AMPH: variants seen among roughly 807,000 people sequenced by gnomAD.
The protein encoded by AMPH is amphiphysin (Stiff-Mann syndrome with breast cancer 128kD autoantigen).
A neutral mutation model predicts 99.1 loss-of-function variants in AMPH; 49 were observed. That is an observed-to-expected ratio of 0.49 (90% CI 0.39 to 0.63). The LOEUF is 0.63. AMPH is among the 20% of genes least tolerant of loss of function. The pLI is 0.00. For missense variants in AMPH, 759 were observed against 863.4 expected (o/e 0.88, Z 1.52); for synonymous variants, 314 against 317.3 (o/e 0.99, Z 0.11).
At chr7:38,587,640 A>C (rs180908942) in intron 1 of AMPH, among the ~76,000 whole-genome samples, 2 of 152,288 alleles carry the variant, frequency 1.3e-5, no homozygotes, top group Admixed American at 1.3e-4. Flanking sequence ...TTAATTAGCA[A>C]ATGTCTTACA....
At chr7:38,565,213 T>C (rs531370522) in intron 1 of AMPH, among the ~76,000 whole-genome samples, 5 of 152,182 alleles carry the variant, frequency 3.3e-5, no homozygotes, top group Admixed American at 6.5e-5. Flanking sequence ...ATATGATTTA[T>C]TATAATTTTA....
chr7:38,468,708 C>T (rs1042209142), intron 7 of AMPH, among the ~76,000 whole-genome samples: 1 of 152,128 alleles, frequency 6.6e-6, no homozygotes, highest in Non-Finnish European at 1.5e-5. Flanking sequence ...CTATTACAGC[C>T]CTAGCACCTA....
chr7:38,491,152 G>T lies in AMPH; in HGVS notation c.301-7C>A, dbSNP rs560037834. On this transcript the variant is annotated splice_polypyrimidine_tract_variant and splice_region_variant and intron_variant, in intron 4 of 20. Transcript: ENST00000356264. ...CCCACAGCACATCACATTTCTAAAA[G>T]AAATAAAGAGACCACTGCTGAATTA... is the stretch of plus-strand genomic sequence containing the variant. 5 of 1,585,954 alleles carry T rather than the reference G, an allele frequency of 3.2e-6. No individual in the cohort carries two copies. In the South Asian group the frequency reaches 5.6e-5, roughly 18 times the overall value.
chr7:38,447,776 AC>A (rs1786848442), intron 11 of AMPH, among the ~76,000 whole-genome samples: 6 of 149,626 alleles, frequency 4.0e-5, no homozygotes, highest in African/African-American at 1.5e-4. Flanking sequence ...ACACACACAC[AC>A]ACCCATACAC....
At chr7:38,498,578 A>G (rs1789015059) in intron 3 of AMPH, among the ~76,000 whole-genome samples, 1 of 152,166 alleles carries the variant, frequency 6.6e-6, no homozygotes, top group Admixed American at 6.5e-5. Context: ...AGACATGTCA[A>G]TGCTTATCTC....
intron 5 of AMPH, among the ~76,000 whole-genome samples, chr7:38,479,043 C>T (rs1357137306): frequency 6.6e-6 from 1 of 151,808 alleles, no homozygotes; most frequent in Admixed American, 6.6e-5. Context: ...GAATAATAAG[C>T]AATATTTCAA....
intron 1 of AMPH, among the ~76,000 whole-genome samples, chr7:38,623,655 A>AG (rs1794144179): frequency 6.6e-6 from 1 of 152,202 alleles, no homozygotes; most frequent in Non-Finnish European, 1.5e-5. Context: ...ACGTGGCCAT[A>AG]TAAACTACTC....
At chr7:38,436,974 G>C (rs4720280) in intron 11 of AMPH, among the ~76,000 whole-genome samples, 78,087 of 152,020 alleles carry the variant, frequency 0.51, 20,324 homozygotes, top group Admixed American at 0.57. Flanking sequence ...ATGTGTATGA[G>C]TGAGGGTGAA....
chr7:38,541,742 A>T (rs1219743868), intron 1 of AMPH, among the ~76,000 whole-genome samples: 3 of 152,240 alleles, frequency 2.0e-5, no homozygotes, highest in African/African-American at 7.2e-5. Flanking sequence ...AATGACATAC[A>T]GTAATTACAT....
chr7:38,501,010 G>C (rs1789116857), intron 3 of AMPH, among the ~76,000 whole-genome samples: 1 of 152,152 alleles, frequency 6.6e-6, no homozygotes, highest in East Asian at 1.9e-4. Context: ...CCATTGTATA[G>C]ATGAACTCTG....
In AMPH at chr7:38,384,650, T is replaced by G. The variant is rs1784301820; in HGVS notation, c.*168A>C. On this transcript the variant is annotated 3_prime_UTR_variant, in exon 21 of 21. Transcript: ENST00000356264. The stretch of plus-strand genomic sequence containing the variant: ...GGATTTTTTCCTTAATTTACTTTTT[T>G]TCCTCTTACATTTTTTTGCACACAT... The G allele has an allele frequency of 1.8e-6, 1 of 550,304 alleles. No homozygotes were observed. 34.1% of individuals were successfully genotyped at this position (550,304 alleles called of 1,614,324 possible). A position where few individuals can be genotyped will look rare whatever the true frequency, so the allele number is the denominator to read the frequency against.
chr7:38,630,000 G>A (rs1229695446), intron 1 of AMPH, among the ~76,000 whole-genome samples: 1 of 152,174 alleles, frequency 6.6e-6, no homozygotes, highest in Non-Finnish European at 1.5e-5. Context: ...CTGGGCCTGG[G>A]GACAAAAGGG....
intron 2 of AMPH, among the ~76,000 whole-genome samples, chr7:38,534,060 C>A (rs963771872): frequency 6.6e-6 from 1 of 152,134 alleles, no homozygotes; most frequent in African/African-American, 2.4e-5. Context: ...GTCATCTCCC[C>A]AAGGAGTCTT....
chr7:38,483,580 G>T (rs910933982), intron 5 of AMPH, among the ~76,000 whole-genome samples: 1 of 152,100 alleles, frequency 6.6e-6, no homozygotes, highest in African/African-American at 2.4e-5. Flanking sequence ...AGATGCCTAG[G>T]GGGTGCTAAG....
At chr7:38,476,828 G>T (rs371625341) in intron 6 of AMPH, 34 bp downstream of exon 6, 3 of 1,495,162 alleles carry the variant, frequency 2.0e-6, no homozygotes, top group South Asian at 1.1e-5. Context: ...CATAAAATAC[G>T]GAGAGTGGTA....
chr7:38,402,223 T>G (rs1006496846), intron 17 of AMPH, among the ~76,000 whole-genome samples: 4 of 152,294 alleles, frequency 2.6e-5, no homozygotes, highest in Admixed American at 6.5e-5. Context: ...CTTCATCTTT[T>G]GTTTCACCTA....
intron 1 of AMPH, among the ~76,000 whole-genome samples, chr7:38,599,555 G>A (rs148213605): frequency 2.9e-3 from 441 of 152,290 alleles, no homozygotes; most frequent in Middle Eastern, 0.01. Flanking sequence ...GTTAACAGTA[G>A]GCTATTAGTA....
intron 2 of AMPH, among the ~76,000 whole-genome samples, chr7:38,526,096 G>T (rs915290757): frequency 1.3e-5 from 2 of 152,112 alleles, no homozygotes; most frequent in Non-Finnish European, 2.9e-5. Flanking sequence ...ATCCTTGCCA[G>T]CATTTAGCAT....
intron 1 of AMPH, among the ~76,000 whole-genome samples, chr7:38,607,550 G>A (rs1175302241): frequency 6.6e-6 from 1 of 152,182 alleles, no homozygotes; most frequent in Non-Finnish European, 1.5e-5. Context: ...GGGACCTCAG[G>A]ACCCCCGGTG....
Sources: allele counts gnomAD v4.1 joint callset (sites outside exome capture counted in the v4.1 genomes callset), GRCh38; gene constraint gnomAD v4.1.1; transcripts MANE v1.5; gene names NCBI Gene and HGNC (gene_info 2026-07-23, HGNC 2026-07-21).